The following LGR5 variants were observed in gnomAD, a reference collection of about 807,000 sequenced individuals.
LGR5 encodes the protein leucine-rich repeat-containing G protein-coupled receptor 5.
In LGR5, 54 loss-of-function variants were observed where a neutral mutation model predicts 76.7. The observed-to-expected ratio is 0.70, with a 90% CI of 0.57 to 0.88. The LOEUF (loss-of-function observed/expected upper bound fraction) is 0.88, where lower values mean the gene tolerates loss of function less well. Among genes scored for constraint, LGR5 ranks in the 40% least tolerant of loss-of-function variants. The pLI is 0.00. For synonymous variants in LGR5, 406 were observed against 421.9 expected, an observed-to-expected ratio of 0.96 and a Z score of 0.46; for missense variants, 1,078 against 1,073.3, an observed-to-expected ratio of 1.00 and a Z score of -0.06.
intron 1 of LGR5, among the ~76,000 whole-genome samples, chr12:71,444,490 T>C (rs937951527): frequency 2.0e-5 from 3 of 152,110 alleles, no homozygotes; most frequent in Non-Finnish European, 4.4e-5. Flanking sequence ...TTACTGAATA[T>C]ATTTAACATA....
intron 1 of LGR5, chr12:71,441,924 G>A (rs1263497140): frequency 6.6e-6 from 1 of 152,088 alleles, no homozygotes; most frequent in Non-Finnish European, 1.5e-5. Context: ...AACCACTCTA[G>A]TTTAACTGCT....
At chr12:71,518,195 A>C (rs1875539620) in intron 2 of LGR5, among the ~76,000 whole-genome samples, 1 of 152,252 alleles carries the variant, frequency 6.6e-6, no homozygotes, top group African/African-American at 2.4e-5. Context: ...AAAGTGAGCA[A>C]ACAGACACTT....
chr12:71,484,474 T>A (rs1038334376), intron 1 of LGR5, among the ~76,000 whole-genome samples: 4 of 152,204 alleles, frequency 2.6e-5, no homozygotes, highest in African/African-American at 7.2e-5. Context: ...TACTGGTAAT[T>A]CACTGCTATG....
chr12:71,583,297 A>C (rs1592568486), intron 17 of LGR5, among the ~76,000 whole-genome samples: 1 of 152,178 alleles, frequency 6.6e-6, no homozygotes, highest in East Asian at 1.9e-4. Flanking sequence ...AAACTTATGG[A>C]AATATTCTGA....
chr12:71,492,570 A>G (rs1228396301), intron 1 of LGR5, among the ~76,000 whole-genome samples: 2 of 152,232 alleles, frequency 1.3e-5, no homozygotes, highest in Admixed American at 6.5e-5. Context: ...CCTTATAAAC[A>G]TAAGGGTATT....
intron 1 of LGR5, among the ~76,000 whole-genome samples, chr12:71,479,909 G>A (rs1197559632): frequency 1.3e-5 from 2 of 152,162 alleles, no homozygotes; most frequent in African/African-American, 4.8e-5. Flanking sequence ...CCATGCTTAG[G>A]CATTTGCATT....
Position 71,493,770 on chromosome 12 carries a change from C to CTT in LGR5, c.213-10830_213-10829dup, listed in dbSNP as rs57504416. On this transcript the variant is annotated intron_variant, in intron 1 of 17. Transcript: ENST00000266674. ...GTCTTATTTGATTTTAGTAAATAAG[C>CTT]TTTTTTTTTTTTTTTCGAGACAGGG... is the stretch of plus-strand genomic sequence containing the variant. 7.8e-3 allele frequency among the ~76,000 whole-genome samples: 1,013 copies of CTT among 129,448 alleles called. 23 individuals are homozygous for CTT. The highest frequency in any genetic ancestry group is 0.011 in the Middle Eastern group (3 of 262). The allele number at this position is 129,448 out of a possible 152,430, so 84.9% of individuals were successfully genotyped here.
At chr12:71,569,859 G>A (rs1878520671) in intron 11 of LGR5, among the ~76,000 whole-genome samples, 1 of 152,192 alleles carries the variant, frequency 6.6e-6, no homozygotes, top group Non-Finnish European at 1.5e-5. Flanking sequence ...ATATGCCCAT[G>A]TATGTTCATT....
At chr12:71,533,771 G>A (rs1376107649) in intron 3 of LGR5, among the ~76,000 whole-genome samples, 2 of 152,214 alleles carry the variant, frequency 1.3e-5, no homozygotes, top group East Asian at 3.8e-4. Context: ...TGCAAGGTAG[G>A]TGTTATTACT....
chr12:71,517,494 A>G (rs1875502823), intron 2 of LGR5, among the ~76,000 whole-genome samples: 1 of 152,266 alleles, frequency 6.6e-6, no homozygotes, highest in Admixed American at 6.5e-5. Flanking sequence ...AATTTAAAAA[A>G]ATAAAGTTTT....
chr12:71,582,720 C>T (rs1879145449), intron 17 of LGR5, 181 bp downstream of exon 17: 1 of 548,926 alleles, frequency 1.8e-6, no homozygotes, highest in Non-Finnish European at 3.3e-6. Flanking sequence ...TTTTCACTTG[C>T]CAATAGGATT....
At chr12:71,481,245 T>C (rs1222727794) in intron 1 of LGR5, among the ~76,000 whole-genome samples, 2 of 151,526 alleles carry the variant, frequency 1.3e-5, no homozygotes, top group Non-Finnish European at 2.9e-5. Context: ...ATCCCTCCCC[T>C]TACCCCCAAC....
intron 12 of LGR5, 119 bp downstream of exon 12, chr12:71,571,698 C>T: frequency 1.4e-6 from 1 of 695,372 alleles, no homozygotes; most frequent in East Asian, 2.6e-5. Context: ...CCTTTTCCTT[C>T]TTACACACAC....
rs1434992934 is a variant in LGR5, at chr12:71,440,253, C to G, written c.173C>G (p.Ser58Trp). The change falls in exon 1 of 18, where the codon TCG becomes TGG. Residue 58 changes from serine to tryptophan, a missense_variant. Coordinates refer to ENST00000266674, the MANE Select transcript of LGR5 (RefSeq NM_003667.4). The surrounding 1 kb of genome is among the most constrained non-coding windows in gnomAD (Gnocchi z 5.3). ...LRVDCSDLGL[S>W]ELPSNLSVFT... ...GTGGACTGCTCCGACCTGGGGCTCT[C>G]GGAGCTGCCTTCCAACCTCAGCGTC... 2 of 1,612,904 alleles carry G rather than the reference C, an allele frequency of 1.2e-6. No homozygotes were observed. Among genetic ancestry groups the G allele is most frequent in the Non-Finnish European group, 8.5e-7 (1 of 1,179,966 alleles).
chr12:71,478,375 C>G (rs562586910), intron 1 of LGR5, among the ~76,000 whole-genome samples: 213 of 152,278 alleles, frequency 1.4e-3, no homozygotes, highest in Non-Finnish European at 2.4e-3. Flanking sequence ...TTATTGGGAG[C>G]TAAAATGAAG....
chr12:71,468,520 T>C (rs1374188547), intron 1 of LGR5, among the ~76,000 whole-genome samples: 4 of 152,174 alleles, frequency 2.6e-5, no homozygotes, highest in Non-Finnish European at 5.9e-5. Flanking sequence ...TCTTCAGTGG[T>C]CCTACCTAAA....
At chr12:71,573,988 C>G (rs914068410) in intron 13 of LGR5, among the ~76,000 whole-genome samples, 1 of 151,308 alleles carries the variant, frequency 6.6e-6, no homozygotes, top group African/African-American at 2.4e-5. Context: ...AACCCTAACC[C>G]TTATTCAGGT....
intron 13 of LGR5, among the ~76,000 whole-genome samples, chr12:71,576,115 G>A (rs1878844384): frequency 6.6e-6 from 1 of 152,106 alleles, no homozygotes; most frequent in South Asian, 2.1e-4. Context: ...AAAGCATCAG[G>A]ATAAATAGTT....
chr12:71,488,473 T>A (rs934959913), intron 1 of LGR5, among the ~76,000 whole-genome samples: 3 of 152,204 alleles, frequency 2.0e-5, no homozygotes, highest in African/African-American at 7.2e-5. Context: ...AGGGCAGTTT[T>A]TCTCTGGTGT....
Sources: gnomAD v4.1 joint callset for allele counts (sites outside exome capture counted in the v4.1 genomes callset) on GRCh38, gnomAD v4.1.1 for gene constraint, Gnocchi (gnomAD v3.1) non-coding constraint, MANE v1.5 for transcripts, NCBI Gene and HGNC (gene_info 2026-07-23, HGNC 2026-07-21) for gene names.